IL1R1: variants seen among roughly 807,000 people sequenced by gnomAD.
The protein encoded by IL1R1 is interleukin-1 receptor type 1.
Under a neutral mutation model 50.2 loss-of-function variants are expected in IL1R1, and 22 were observed. The observed-to-expected ratio is 0.44, with a 90% CI of 0.31 to 0.63. The LOEUF (loss-of-function observed/expected upper bound fraction) is 0.63. Among genes scored for constraint, IL1R1 ranks in the 20% least tolerant of loss-of-function variants. IL1R1 has a pLI of 0.07. For synonymous variants in IL1R1, 251 were observed against 236.7 expected (o/e 1.06, Z -0.55); for missense variants, 509 against 676.2 (o/e 0.75, Z 2.74).
intron 1 of IL1R1, among the ~76,000 whole-genome samples, chr2:102,122,756 C>G (rs927238299): frequency 3.9e-5 from 6 of 152,222 alleles, no homozygotes; most frequent in African/African-American, 1.4e-4. Context: ...TTCTCTCTCT[C>G]TCTTTGAAAA....
At chr2:102,122,743 C>T (rs1346045587) in intron 1 of IL1R1, among the ~76,000 whole-genome samples, 1 of 152,186 alleles carries the variant, frequency 6.6e-6, no homozygotes, top group Non-Finnish European at 1.5e-5. Context: ...CCATTCCTTG[C>T]TTTTCTCTCT....
intron 3 of IL1R1, among the ~76,000 whole-genome samples, chr2:102,159,254 G>A (rs1240570539): frequency 6.6e-6 from 1 of 152,214 alleles, no homozygotes; most frequent in East Asian, 1.9e-4. Context: ...GAGACTGAAT[G>A]GGATCATGGA....
chr2:102,162,088 TTAAC>T lies in IL1R1; in HGVS notation c.62-2682_62-2679del, dbSNP rs200033680. The stretch of plus-strand genomic sequence containing the variant: ...TTTGATAATAATAGTCACTCAAGCT[TTAAC>T]TAATTAATTTTTATTAAGGTATAGT... On this transcript the variant is annotated intron_variant, in intron 3 of 11. Transcript: ENST00000410023. Among the ~76,000 whole-genome samples the T allele has an allele frequency of 5.8e-4, 89 of 152,352 alleles. No homozygotes were observed. In the East Asian group the frequency reaches 0.013, roughly 23 times the overall value.
intron 1 of IL1R1, among the ~76,000 whole-genome samples, chr2:102,079,246 T>C (rs1387154212): frequency 2.0e-5 from 3 of 152,148 alleles, no homozygotes. Flanking sequence ...CTATTCAACA[T>C]TGTACTAAGA....
chr2:102,168,947 G>T (rs1011779406), intron 7 of IL1R1, among the ~76,000 whole-genome samples: 6 of 151,324 alleles, frequency 4.0e-5, no homozygotes, highest in African/African-American at 1.5e-4. Flanking sequence ...AACCAGCAAT[G>T]CCATTGACTG....
chr2:102,171,534 T>C (rs2104616259), intron 7 of IL1R1, among the ~76,000 whole-genome samples: 1 of 152,274 alleles, frequency 6.6e-6, no homozygotes. Context: ...AGACAAATCA[T>C]GTGGGCCCAA....
rs61314406 is a variant in IL1R1, at chr2:102,130,632, G to A, written c.-83-23309G>A. Among the ~76,000 whole-genome samples, 1,131 of 138,854 alleles carry A rather than the reference G, an allele frequency of 8.1e-3. 15 individuals carry two copies. Among genetic ancestry groups the A allele is most frequent in the African/African-American group, 0.028 (1,048 of 37,772 alleles). 91.1% of individuals were successfully genotyped at this position (138,854 alleles called of 152,430 possible). A position where few individuals can be genotyped will look rare whatever the true frequency, so the allele number is the denominator to read the frequency against. ...TTTACTTCCTTCCCCCAAAGTCTTG[G>A]TTTTGACTAAAATGTATTAATTCTT... On this transcript the variant is annotated intron_variant, in intron 1 of 10. Coordinates refer to the IL1R1 transcript ENST00000409329.
chr2:102,106,960 C>G (rs1031062009), intron 1 of IL1R1, among the ~76,000 whole-genome samples: 3 of 152,072 alleles, frequency 2.0e-5, no homozygotes. Context: ...TTTGCATCTC[C>G]TTGATGCAAA....
intron 1 of IL1R1, among the ~76,000 whole-genome samples, chr2:102,077,410 A>G (rs1353276172): frequency 3.3e-5 from 5 of 152,234 alleles, no homozygotes; most frequent in Non-Finnish European, 7.3e-5. Flanking sequence ...TGAATTTGCC[A>G]TAATACAATC....
chr2:102,109,843 T>G (rs1055558497), intron 1 of IL1R1, among the ~76,000 whole-genome samples: 5 of 152,176 alleles, frequency 3.3e-5, no homozygotes, highest in African/African-American at 1.2e-4. Context: ...AGATGGAGTA[T>G]GGTGAGTGCT....
At chr2:102,110,585 T>C (rs1680700872) in intron 1 of IL1R1, among the ~76,000 whole-genome samples, 1 of 151,092 alleles carries the variant, frequency 6.6e-6, no homozygotes, top group Admixed American at 6.6e-5. Flanking sequence ...TAGTAAGTTT[T>C]CTAAATTTTC....
At chr2:102,137,686 T>G (rs1247699221) in intron 1 of IL1R1, among the ~76,000 whole-genome samples, 3 of 152,212 alleles carry the variant, frequency 2.0e-5, no homozygotes, top group African/African-American at 7.2e-5. Context: ...CATATTCTAT[T>G]GGTTGAAATT....
chr2:102,083,396 G>A (rs1679301713), intron 1 of IL1R1, among the ~76,000 whole-genome samples: 1 of 152,016 alleles, frequency 6.6e-6, no homozygotes, highest in African/African-American at 2.4e-5. Flanking sequence ...CCAGAGTGCC[G>A]AGGTATTTCT....
chr2:102,094,331 T>C (rs754164945), intron 1 of IL1R1, among the ~76,000 whole-genome samples: 4 of 152,226 alleles, frequency 2.6e-5, no homozygotes, highest in Non-Finnish European at 5.9e-5. Flanking sequence ...AGAATGCTAT[T>C]TAGGCCCAAT....
At chr2:102,071,446 A>G (rs760182796) in intron 1 of IL1R1, among the ~76,000 whole-genome samples, 26 of 152,242 alleles carry the variant, frequency 1.7e-4, no homozygotes, top group Admixed American at 6.5e-4. Flanking sequence ...TCTTGAATAA[A>G]TCACTTGCAT....
chr2:102,136,568 G>T (rs1559480979), intron 1 of IL1R1, among the ~76,000 whole-genome samples: 1 of 151,900 alleles, frequency 6.6e-6, no homozygotes, highest in Non-Finnish European at 1.5e-5. Flanking sequence ...AGTAGAGACG[G>T]GGTTTCCCCA....
chr2:102,079,936 C>T (rs935704724), intron 1 of IL1R1, among the ~76,000 whole-genome samples: 9 of 152,144 alleles, frequency 5.9e-5, no homozygotes, highest in Non-Finnish European at 7.4e-5. Context: ...TATGCCCTTA[C>T]GTTTATGGTC....
chr2:102,172,287 G>T (rs981222769), intron 8 of IL1R1: 52 of 985,022 alleles, frequency 5.3e-5, no homozygotes, highest in Non-Finnish European at 6.3e-5. Context: ...GCCTCTACTG[G>T]TTTCCTACTG....
chr2:102,164,166 T>A (rs1160246036), intron 3 of IL1R1, among the ~76,000 whole-genome samples: 2 of 152,068 alleles, frequency 1.3e-5, no homozygotes, highest in Admixed American at 6.6e-5. Context: ...TGGGGGAGAC[T>A]CTCAGTTATC....
Sources: allele counts gnomAD v4.1 joint callset (sites outside exome capture counted in the v4.1 genomes callset), GRCh38; gene constraint gnomAD v4.1.1; transcripts MANE v1.5; gene names NCBI Gene and HGNC (gene_info 2026-07-23, HGNC 2026-07-21).